The following TEC variants were observed in gnomAD, a reference collection of about 807,000 sequenced individuals.
TEC encodes tec protein tyrosine kinase.
In TEC, 72 loss-of-function variants were observed where a neutral mutation model predicts 93.0. That is an observed-to-expected ratio of 0.77 (90% CI 0.64 to 0.94). TEC has a LOEUF of 0.94. TEC is among the 40% of genes least tolerant of loss of function. The pLI, the probability that TEC is intolerant of heterozygous loss-of-function variation, is 0.00. For synonymous variants in TEC, 249 were observed against 247.7 expected (o/e 1.01, Z -0.05); for missense variants, 630 against 757.9 (o/e 0.83, Z 1.98).
intron 1 of TEC, among the ~76,000 whole-genome samples, chr4:48,264,125 T>C (rs867147778): frequency 6.6e-6 from 1 of 152,042 alleles, no homozygotes; most frequent in African/African-American, 2.4e-5. Flanking sequence ...GAAGAGACAA[T>C]AGCAAAAACA....
At chr4:48,243,507 C>T (rs1174350894) in intron 1 of TEC, among the ~76,000 whole-genome samples, 1 of 152,186 alleles carries the variant, frequency 6.6e-6, no homozygotes, top group Non-Finnish European at 1.5e-5. Context: ...TGGTCATTGC[C>T]TCATCTTTAT....
At chr4:48,194,476 A>G (rs1722218085) in intron 2 of TEC, among the ~76,000 whole-genome samples, 1 of 152,216 alleles carries the variant, frequency 6.6e-6, no homozygotes, top group Non-Finnish European at 1.5e-5. Context: ...TGTTTTCTAG[A>G]CGTCTTTAAA....
chr4:48,149,597 G>A lies in TEC; in HGVS notation c.966C>T (p.Ser322=). ...TATGATATTCAATAATCTCAGGAAT[G>A]GAGCCAAAAGCATGTTTTTCAGCTA... The part of the protein sequence containing the change: ...YYLAEKHAFG[S]IPEIIEYHKH... Residue 322 remains serine, a synonymous_variant, in exon 11 of 18, where the codon TCC becomes TCT. Transcript: ENST00000381501. The A allele has an allele frequency of 1.2e-6, 2 of 1,611,866 alleles. No individual in the cohort carries two copies. The highest frequency in any genetic ancestry group is 2.2e-5 in the East Asian group (1 of 44,656).
chr4:48,192,706 A>C (rs902970086), intron 2 of TEC, among the ~76,000 whole-genome samples: 1 of 152,260 alleles, frequency 6.6e-6, no homozygotes, highest in Admixed American at 6.5e-5. Context: ...ATAATGGGCC[A>C]GAAGTAGGTA....
intron 8 of TEC, among the ~76,000 whole-genome samples, chr4:48,159,349 T>C (rs940480802): frequency 3.3e-5 from 5 of 152,266 alleles, no homozygotes; most frequent in African/African-American, 1.2e-4. Context: ...AGACATTACA[T>C]GGCAAGACAG....
intron 9 of TEC, among the ~76,000 whole-genome samples, chr4:48,156,070 C>T (rs1352479629): frequency 3.9e-5 from 6 of 152,088 alleles, no homozygotes; most frequent in Non-Finnish European, 4.4e-5. Flanking sequence ...AATATGTTTT[C>T]TTTTGTAACA....
At position 48,262,201 on chromosome 4, in the gene TEC, C is replaced by CTTTTTTTTTTTTTTTTTTTTT. The variant is rs10659576; in HGVS notation, c.-46+7550_-46+7551insAAAAAAAAAAAAAAAAAAAAA. On this transcript the variant is annotated intron_variant, in intron 1 of 17. Coordinates refer to ENST00000381501, the MANE Select transcript of TEC (RefSeq NM_003215.3). ...CTTGGGTAATTGTGACCAAATGTCT[C>CTTTTTTTTTTTTTTTTTTTTT]TTTTTTTTTTTTTGAGACGGAGTCT... 6.7e-4 allele frequency among the ~76,000 whole-genome samples: 54 copies of CTTTTTTTTTTTTTTTTTTTTT among 80,218 alleles called. 9 individuals carry two copies. Among genetic ancestry groups the CTTTTTTTTTTTTTTTTTTTTT allele is most frequent in the Admixed American group, 1.7e-3 (8 of 4,644 alleles). 52.6% of individuals were successfully genotyped at this position (80,218 alleles called of 152,430 possible).
intron 2 of TEC, among the ~76,000 whole-genome samples, chr4:48,176,439 G>T (rs1721328626): frequency 6.6e-6 from 1 of 152,026 alleles, no homozygotes; most frequent in South Asian, 2.1e-4. Context: ...CTCCAGAATG[G>T]GTCAGGTGCC....
rs1719540388 is a variant in TEC, at chr4:48,138,824, T to C, written c.1655-2A>G. ...TGAATACTTCCCACATTAAAACACCTGGAAAAGGATAAGGATTACCAAATG... is the reference window on the plus strand; with the variant it reads ...TGAATACTTCCCACATTAAAACACCCGGAAAAGGATAAGGATTACCAAATG... On this transcript the variant is annotated splice_acceptor_variant, in intron 16 of 17. Transcript: ENST00000381501. LOFTEE classifies it high-confidence loss of function. 2 of 1,613,552 alleles carry C rather than the reference T, an allele frequency of 1.2e-6. No homozygotes were observed. Among genetic ancestry groups the C allele is most frequent in the Non-Finnish European group, 1.7e-6 (2 of 1,179,622 alleles).
intron 1 of TEC, among the ~76,000 whole-genome samples, chr4:48,246,451 T>C (rs534866624): frequency 2.0e-5 from 3 of 147,792 alleles, no homozygotes; most frequent in South Asian, 2.1e-4. Flanking sequence ...GTAAAATTAA[T>C]AGACAAAACT....
chr4:48,249,979 G>C (rs1724159463), intron 1 of TEC, among the ~76,000 whole-genome samples: 2 of 152,204 alleles, frequency 1.3e-5, no homozygotes, highest in South Asian at 2.1e-4. Context: ...CCCAGCCAAG[G>C]CATGCATCCT....
chr4:48,261,550 G>A (rs1724496997), intron 1 of TEC, among the ~76,000 whole-genome samples: 1 of 152,178 alleles, frequency 6.6e-6, no homozygotes, highest in Non-Finnish European at 1.5e-5. Context: ...AGGACATTAA[G>A]AGTTTCTAAG....
Position 48,141,423 on chromosome 4 carries a change from G to C in TEC, c.1471-4C>G. The C allele has an allele frequency of 6.2e-7, 1 of 1,613,402 alleles. No homozygotes were observed. Among genetic ancestry groups the C allele is most frequent in the East Asian group, 2.2e-5 (1 of 44,806 alleles). On this transcript the variant is annotated splice_region_variant and splice_polypyrimidine_tract_variant and intron_variant, in intron 14 of 17. Transcript: ENST00000381501. ...TTACTAGACAATTTCTGGCAGCCTG[G>C]AAAACAACATTATGATGGTATATTA... is the stretch of plus-strand genomic sequence containing the variant.
chr4:48,168,062 A>G, intron 6 of TEC, 109 bp from the exon 7 acceptor site: 2 of 943,110 alleles, frequency 2.1e-6, no homozygotes, highest in South Asian at 3.3e-5. Context: ...AGAAACTTCA[A>G]GTCTACTTAC....
At chr4:48,246,545 T>G (rs1489893341) in intron 1 of TEC, among the ~76,000 whole-genome samples, 1 of 150,714 alleles carries the variant, frequency 6.6e-6, no homozygotes, top group Non-Finnish European at 1.5e-5. Context: ...CAATCAAAAC[T>G]GTGTAGTACT....
At chr4:48,143,729 A>C (rs1289024135) in intron 14 of TEC, among the ~76,000 whole-genome samples, 2 of 152,198 alleles carry the variant, frequency 1.3e-5, no homozygotes, top group Non-Finnish European at 1.5e-5. Flanking sequence ...GGGACTTTAG[A>C]GCCAAACTTC....
chr4:48,147,666 G>A (rs954524579), intron 11 of TEC, among the ~76,000 whole-genome samples: 2 of 152,152 alleles, frequency 1.3e-5, no homozygotes, highest in Non-Finnish European at 2.9e-5. Flanking sequence ...AGATAGAGGG[G>A]TTGATCCTGT....
At chr4:48,222,243 G>C (rs1162162573) in intron 2 of TEC, among the ~76,000 whole-genome samples, 1 of 152,204 alleles carries the variant, frequency 6.6e-6, no homozygotes, top group African/African-American at 2.4e-5. Flanking sequence ...AAGGGCAACT[G>C]TAAGTAGGAG....
intron 7 of TEC, among the ~76,000 whole-genome samples, chr4:48,165,385 GTTC>G (rs1401296707): frequency 6.6e-6 from 1 of 152,170 alleles, no homozygotes; most frequent in Non-Finnish European, 1.5e-5. Flanking sequence ...ATATGAGGCA[GTTC>G]TTCTTTAGAG....
Sources: allele counts gnomAD v4.1 joint callset (sites outside exome capture counted in the v4.1 genomes callset), GRCh38; gene constraint gnomAD v4.1.1; transcripts MANE v1.5; gene names NCBI Gene and HGNC (gene_info 2026-07-23, HGNC 2026-07-21).